NNT: variants seen among roughly 807,000 people sequenced by gnomAD.
NNT encodes the protein nicotinamide nucleotide transhydrogenase.
In NNT, 50 loss-of-function variants were observed where a neutral mutation model predicts 104.8. The observed-to-expected ratio is 0.48, with a 90% CI of 0.38 to 0.60. The LOEUF (loss-of-function observed/expected upper bound fraction) is 0.60, where lower values mean the gene tolerates loss of function less well. NNT is among the 20% of genes least tolerant of loss of function. The probability of loss-of-function intolerance (pLI) is 0.00; values close to 1 mark genes in which losing one functional copy is unlikely to be tolerated. For missense variants in NNT, 1,131 were observed against 1,330.7 expected (o/e 0.85, Z 2.33); for synonymous variants, 461 against 490.4 (o/e 0.94, Z 0.79).
chr5:43,650,762 T>C lies in NNT; in HGVS notation c.1717+175T>C, dbSNP rs1739716654. On this transcript the variant is annotated intron_variant, in intron 12 of 21. Transcript: ENST00000344920. Reference sequence around the variant, plus strand: ...CCCATCTGTAATTTTTAGAAACTCTTGATAAAAGAACAACCCCCAGATCCC... The same window carrying C: ...CCCATCTGTAATTTTTAGAAACTCTCGATAAAAGAACAACCCCCAGATCCC... 3.9e-5 allele frequency among the ~76,000 whole-genome samples: 6 copies of C among 152,322 alleles called. No homozygotes were observed. In the South Asian group the frequency reaches 1.2e-3, roughly 32 times the overall value.
intron 3 of NNT, among the ~76,000 whole-genome samples, chr5:43,615,180 A>G (rs1749722368): frequency 6.6e-6 from 1 of 152,210 alleles, no homozygotes; most frequent in Admixed American, 6.5e-5. Context: ...AAAAAATAAA[A>G]TAAAAAATGG....
intron 7 of NNT, among the ~76,000 whole-genome samples, chr5:43,643,945 A>G (rs1350624180): frequency 6.6e-6 from 1 of 152,134 alleles, no homozygotes; most frequent in Non-Finnish European, 1.5e-5. Flanking sequence ...TCTCATGCTG[A>G]GCAGATGGCA....
intron 17 of NNT, among the ~76,000 whole-genome samples, chr5:43,665,059 A>G (rs1740557672): frequency 6.6e-6 from 1 of 152,054 alleles, no homozygotes; most frequent in Non-Finnish European, 1.5e-5. Flanking sequence ...GTTCCTTTTA[A>G]GCCGAGTTAG....
At chr5:43,652,992 C>G (rs1739842670) in intron 13 of NNT, 26 bp from the exon 14 acceptor site, 1 of 1,564,044 alleles carries the variant, frequency 6.4e-7, no homozygotes, top group South Asian at 1.2e-5. Context: ...TTTTAATAAT[C>G]TCTCTCTCAC....
At chr5:43,660,997 A>G (rs1740324783) in intron 17 of NNT, among the ~76,000 whole-genome samples, 1 of 152,222 alleles carries the variant, frequency 6.6e-6, no homozygotes, top group Admixed American at 6.5e-5. Flanking sequence ...TTATGATTTA[A>G]CTGAAAATCT....
chr5:43,645,750 T>G (rs1040622592), intron 10 of NNT: 2 of 137,210 alleles, frequency 1.5e-5, no homozygotes, highest in African/African-American at 5.4e-5. Flanking sequence ...AGTCTCGCTC[T>G]GTCGCCCAGG....
At chr5:43,674,214 A>G (rs969280993) in intron 17 of NNT, among the ~76,000 whole-genome samples, 19 of 152,182 alleles carry the variant, frequency 1.2e-4, no homozygotes, top group African/African-American at 3.1e-4. Flanking sequence ...TTCTGGCAAC[A>G]TTTTGATTCA....
chr5:43,700,247 G>A lies in NNT; in HGVS notation c.2995+10G>A, dbSNP rs1468960993. Reference sequence around the variant, plus strand: ...AACCATGATTTTCCAGGTAAGTGGTGGGGGCAATTGTGAAGTTTAAATATT... The same window carrying A: ...AACCATGATTTTCCAGGTAAGTGGTAGGGGCAATTGTGAAGTTTAAATATT... On this transcript the variant is annotated intron_variant, in intron 20 of 21. Coordinates refer to ENST00000344920, the MANE Select transcript of NNT (RefSeq NM_182977.3). The A allele has an allele frequency of 1.9e-6, 3 of 1,580,264 alleles. No homozygotes were observed. The highest frequency in any genetic ancestry group is 2.6e-6 in the Non-Finnish European group (3 of 1,150,530).
At chr5:43,641,520 A>G (rs1047539376) in intron 7 of NNT, among the ~76,000 whole-genome samples, 6 of 152,116 alleles carry the variant, frequency 3.9e-5, no homozygotes, top group Admixed American at 2.0e-4. Flanking sequence ...GTTAAATTTT[A>G]TATGATATAG....
At chr5:43,660,479 CTAAA>C (rs556485681) in intron 17 of NNT, among the ~76,000 whole-genome samples, 22 of 151,810 alleles carry the variant, frequency 1.4e-4, no homozygotes, top group Non-Finnish European at 3.1e-4. Flanking sequence ...AATAATGAAA[CTAAA>C]TGAAAGCAGA....
chr5:43,686,684 A>G lies in NNT; in HGVS notation c.2876+8878A>G, dbSNP rs184824629. ...TATGCATTTATTTGAAAAACAGATG[A>G]ACATTTATATTATTATACAAAAATG... On this transcript the variant is annotated intron_variant, in intron 19 of 21. Transcript: ENST00000344920. 8.5e-5 allele frequency among the ~76,000 whole-genome samples: 13 copies of G among 152,270 alleles called. 1 individual carries two copies. Among genetic ancestry groups the G allele is most frequent in the Non-Finnish European group, 1.6e-4 (11 of 67,966 alleles).
intron 3 of NNT, among the ~76,000 whole-genome samples, chr5:43,615,007 G>GGC (rs1421468496): frequency 4.8e-4 from 73 of 151,626 alleles, no homozygotes; most frequent in African/African-American, 1.7e-3. Flanking sequence ...CGCGGTGGCG[G>GGC]GCGCCTGTAG....
chr5:43,704,322 C>G lies in NNT; in HGVS notation c.3179C>G (p.Pro1060Arg). 1 of 1,611,882 alleles carries G rather than the reference C, an allele frequency of 6.2e-7. No individual in the cohort carries two copies. The highest frequency in any genetic ancestry group is 8.5e-7 in the Non-Finnish European group (1 of 1,179,008). The change falls in exon 22 of 22, where the codon CCT (proline) becomes CGT (arginine). Residue 1060 changes from proline to arginine, a missense_variant. By Grantham distance (103) the Pro-to-Arg change is moderately radical (BLOSUM62 -2). Transcript: ENST00000344920. The stretch of plus-strand genomic sequence containing the variant: ...GTGGACAATCCAATCTTCTACAAAC[C>G]TAACACGGCCATGCTTCTAGGTGAT... ...AAVDNPIFYKPNTAMLLGDAK... is the reference protein window; with the variant it reads ...AAVDNPIFYKRNTAMLLGDAK...
At position 43,700,107 on chromosome 5, in the gene NNT, T is replaced by G; in HGVS notation, c.2877-12T>G. ...TCAAGTAAGGCCAGCTCTTCATTTG[T>G]TTCATGTCTAGGTTTGGAATTCACC... On this transcript the variant is annotated splice_polypyrimidine_tract_variant and intron_variant, in intron 19 of 21. Coordinates refer to ENST00000344920, the MANE Select transcript of NNT (RefSeq NM_182977.3). 2 of 1,606,200 alleles carry G rather than the reference T, an allele frequency of 1.2e-6. No homozygotes were observed. The highest frequency in any genetic ancestry group is 1.7e-6 in the Non-Finnish European group (2 of 1,174,104).
At chr5:43,611,410 A>G (rs1405874010) in intron 2 of NNT, among the ~76,000 whole-genome samples, 2 of 152,202 alleles carry the variant, frequency 1.3e-5, no homozygotes, top group Non-Finnish European at 1.5e-5. Context: ...ACATGGCTTC[A>G]GTCATCTTTG....
At position 43,664,549 on chromosome 5, in the gene NNT, A is replaced by G. The variant is rs116385201; in HGVS notation, c.2634+5199A>G. Among the ~76,000 whole-genome samples the G allele has an allele frequency of 5.7e-3, 861 of 152,296 alleles. 6 individuals are homozygous for G. The highest frequency in any genetic ancestry group is 0.019 in the African/African-American group (782 of 41,568). ...TTTGGCTTTCAGATTTATTTCTTACAGTGTATTCAGAATTATGTGAATTAG... is the reference window on the plus strand; with the variant it reads ...TTTGGCTTTCAGATTTATTTCTTACGGTGTATTCAGAATTATGTGAATTAG... On this transcript the variant is annotated intron_variant, in intron 17 of 21. Transcript: ENST00000344920.
rs61079918 is a variant in NNT, at chr5:43,694,738, TTGTGTGTG to T, written c.2877-5345_2877-5338del. Among the ~76,000 whole-genome samples, 235 of 137,912 alleles carry T rather than the reference TTGTGTGTG, an allele frequency of 1.7e-3. 1 individual carries two copies. The highest frequency in any genetic ancestry group is 5.9e-3 in the African/African-American group (219 of 37,118). 90.5% of individuals were successfully genotyped at this position (137,912 alleles called of 152,430 possible). A position where few individuals can be genotyped will look rare whatever the true frequency, so the allele number is the denominator to read the frequency against. On this transcript the variant is annotated intron_variant, in intron 19 of 21. Coordinates refer to ENST00000344920, the MANE Select transcript of NNT (RefSeq NM_182977.3). ...TTCATCAAGGATATTGGCCTAAAGT[TTGTGTGTG>T]TGTGTGTGTGTGTGTGTGTGTGTGT...
intron 10 of NNT, 51 bp downstream of exon 10, chr5:43,645,561 T>TTATA (rs71974629): frequency 2.8e-5 from 32 of 1,136,592 alleles, no homozygotes; most frequent in South Asian, 4.6e-5. Flanking sequence ...ATTTTGCAAG[T>TTATA]TATATATATA....
rs1012580837 is a variant in NNT at position 43,666,738 on chromosome 5, C to G, written c.2634+7388C>G. On this transcript the variant is annotated intron_variant, in intron 17 of 21. Coordinates refer to ENST00000344920, the MANE Select transcript of NNT (RefSeq NM_182977.3). ...ACGGGGGTGGGGGGTCGCACCAGTC[C>G]TTCTGTCCTCACGTTGGCAGAGATA... 11 of 1,209,996 alleles carry G rather than the reference C, an allele frequency of 9.1e-6. No homozygotes were observed. The African/African-American group carries it at 1.4e-4, about 15-fold the overall frequency. The allele number at this position is 1,209,996 out of a possible 1,614,324, so 75.0% of individuals were successfully genotyped here.
Sources: allele counts gnomAD v4.1 joint callset (sites outside exome capture counted in the v4.1 genomes callset), GRCh38; gene constraint gnomAD v4.1.1; transcripts MANE v1.5; gene names NCBI Gene and HGNC (gene_info 2026-07-23, HGNC 2026-07-21).